SLC39A11: variants seen among roughly 807,000 people sequenced by gnomAD.
The protein encoded by SLC39A11 is solute carrier family 39 member 11.
In SLC39A11, 33 loss-of-function variants were observed where a neutral mutation model predicts 36.1. The observed-to-expected ratio is 0.91, with a 90% CI of 0.69 to 1.22. The LOEUF is 1.22. Among genes scored for constraint, SLC39A11 ranks in the 50% most tolerant of loss-of-function variants. SLC39A11 has a pLI of 0.00. For missense variants in SLC39A11, 432 were observed against 430.3 expected, an observed-to-expected ratio of 1.00 and a Z score of -0.03; for synonymous variants, 166 against 170.3, an observed-to-expected ratio of 0.97 and a Z score of 0.20.
chr17:73,082,489 TG>T (rs1599207958), intron 3 of SLC39A11, among the ~76,000 whole-genome samples: 1 of 152,192 alleles, frequency 6.6e-6, no homozygotes, highest in Admixed American at 6.5e-5. Flanking sequence ...TTTTTTGTTT[TG>T]TTTTTTTCTT....
intron 5 of SLC39A11, among the ~76,000 whole-genome samples, chr17:72,928,695 C>T (rs1231163617): frequency 2.0e-5 from 3 of 152,184 alleles, no homozygotes; most frequent in Non-Finnish European, 2.9e-5. Context: ...CTCTCACAGC[C>T]TGAACCTCCC....
chr17:72,800,303 A>ATTTTTT (rs34172959), intron 6 of SLC39A11, among the ~76,000 whole-genome samples: 3 of 90,368 alleles, frequency 3.3e-5, no homozygotes, highest in African/African-American at 1.2e-4. Context: ...ACCTACAATA[A>ATTTTTT]TTTTTTTTTT....
chr17:72,709,189 C>T (rs538541372), intron 7 of SLC39A11, among the ~76,000 whole-genome samples: 23 of 152,340 alleles, frequency 1.5e-4, no homozygotes, highest in South Asian at 1.4e-3. Context: ...CCATCTACCT[C>T]GGCCTCCCAA....
chr17:72,829,417 G>A (rs1245835852), intron 6 of SLC39A11, among the ~76,000 whole-genome samples: 1 of 152,006 alleles, frequency 6.6e-6, no homozygotes, highest in Non-Finnish European at 1.5e-5. Context: ...TAGAGGTGGG[G>A]GAGATGGGAG....
intron 6 of SLC39A11, among the ~76,000 whole-genome samples, chr17:72,833,950 A>C (rs1479717374): frequency 6.6e-6 from 1 of 152,194 alleles, no homozygotes; most frequent in Non-Finnish European, 1.5e-5. Flanking sequence ...ACAATGTGAA[A>C]AGGCTGACAT....
chr17:72,935,077 C>T (rs929594116), intron 5 of SLC39A11, among the ~76,000 whole-genome samples: 4 of 152,156 alleles, frequency 2.6e-5, no homozygotes, highest in Non-Finnish European at 5.9e-5. Flanking sequence ...TATTGATAGA[C>T]GTTTCATTCA....
chr17:72,923,243 T>C (rs1317659409), intron 5 of SLC39A11, among the ~76,000 whole-genome samples: 1 of 151,810 alleles, frequency 6.6e-6, no homozygotes, highest in African/African-American at 2.4e-5. Context: ...ATGGTCAGGG[T>C]TGGACATGTG....
chr17:72,759,500 GA>G (rs1368102287), intron 6 of SLC39A11, among the ~76,000 whole-genome samples: 1 of 152,208 alleles, frequency 6.6e-6, no homozygotes, highest in Non-Finnish European at 1.5e-5. Flanking sequence ...GACAGCATGT[GA>G]AAAAGCTTTT....
intron 6 of SLC39A11, among the ~76,000 whole-genome samples, chr17:72,805,809 G>A (rs138889932): frequency 0.012 from 1,858 of 151,282 alleles, 39 homozygotes; most frequent in African/African-American, 0.042. Flanking sequence ...AGTGTAGTGG[G>A]GCGATCCTGG....
intron 5 of SLC39A11, among the ~76,000 whole-genome samples, chr17:72,930,974 C>A (rs573648740): frequency 6.6e-6 from 1 of 152,266 alleles, no homozygotes; most frequent in South Asian, 2.1e-4. Flanking sequence ...ATTCCTGGTA[C>A]CAACCACCCA....
intron 4 of SLC39A11, among the ~76,000 whole-genome samples, chr17:72,951,530 C>T (rs1005930550): frequency 1.8e-4 from 28 of 152,166 alleles, no homozygotes; most frequent in Admixed American, 3.3e-4. Flanking sequence ...AGCCAAGTCT[C>T]CTGTCCTCAT....
chr17:72,842,438 T>C (rs2078860741), intron 6 of SLC39A11, among the ~76,000 whole-genome samples: 1 of 152,238 alleles, frequency 6.6e-6, no homozygotes, highest in Admixed American at 6.5e-5. Flanking sequence ...AGAATCTCTT[T>C]AAGCTTCCAA....
chr17:72,908,706 C>G (rs1464099110), intron 5 of SLC39A11, among the ~76,000 whole-genome samples: 1 of 152,196 alleles, frequency 6.6e-6, no homozygotes, highest in Non-Finnish European at 1.5e-5. Context: ...TGCCAAATAC[C>G]AGAGGGCAAA....
chr17:72,662,853 A>T (rs1252262435), intron 7 of SLC39A11, among the ~76,000 whole-genome samples: 1 of 152,216 alleles, frequency 6.6e-6, no homozygotes, highest in Non-Finnish European at 1.5e-5. Context: ...ACAGGCACAC[A>T]CATCCTGGGA....
chr17:72,790,966 A>G (rs2076681733), intron 6 of SLC39A11, among the ~76,000 whole-genome samples: 1 of 152,238 alleles, frequency 6.6e-6, no homozygotes, highest in African/African-American at 2.4e-5. Context: ...CGTTGAAGAC[A>G]AATCCCCAGC....
chr17:72,845,834 T>C (rs1282843183), intron 6 of SLC39A11, among the ~76,000 whole-genome samples: 3 of 152,192 alleles, frequency 2.0e-5, no homozygotes, highest in Non-Finnish European at 4.4e-5. Flanking sequence ...CCAGTGACTA[T>C]TACCACCATG....
intron 6 of SLC39A11, among the ~76,000 whole-genome samples, chr17:72,755,667 A>G (rs2075346209): frequency 6.6e-6 from 1 of 152,274 alleles, no homozygotes; most frequent in Non-Finnish European, 1.5e-5. Context: ...CTTTTAATTA[A>G]TGTCAGATTT....
At chr17:72,836,939 A>G (rs1170344683) in intron 6 of SLC39A11, among the ~76,000 whole-genome samples, 1 of 152,168 alleles carries the variant, frequency 6.6e-6, no homozygotes, top group Non-Finnish European at 1.5e-5. Flanking sequence ...TTTCTCCTGG[A>G]AAGGTCTGTA....
intron 3 of SLC39A11, among the ~76,000 whole-genome samples, chr17:73,061,354 T>C (rs1175917628): frequency 6.6e-6 from 1 of 152,098 alleles, no homozygotes; most frequent in African/African-American, 2.4e-5. Context: ...GGCAAGACTC[T>C]GTCTCAAGGA....
Sources: gnomAD v4.1 joint callset for allele counts (sites outside exome capture counted in the v4.1 genomes callset) on GRCh38, gnomAD v4.1.1 for gene constraint, MANE v1.5 for transcripts, NCBI Gene and HGNC (gene_info 2026-07-23, HGNC 2026-07-21) for gene names.